The following SIK3 variants were observed in gnomAD, a reference collection of about 807,000 sequenced individuals.
SIK3 encodes the protein SIK family kinase 3.
A neutral mutation model predicts 144.2 loss-of-function variants in SIK3; 28 were observed. The ratio of observed to expected loss-of-function variants is 0.19; its 90% CI spans 0.14 to 0.27. SIK3 has a LOEUF of 0.27. Ranked by LOEUF, SIK3 falls within the 10% of genes least tolerant of loss-of-function variation. The pLI, the probability that SIK3 is intolerant of heterozygous loss-of-function variation, is 1.00. For missense variants in SIK3, 1,319 were observed against 1,776.0 expected (o/e 0.74, Z 4.62); for synonymous variants, 686 against 676.3 (o/e 1.01, Z -0.22).
chr11:116,938,121 C>T (rs1195287665), intron 3 of SIK3, among the ~76,000 whole-genome samples: 4 of 143,058 alleles, frequency 2.8e-5, no homozygotes, highest in Non-Finnish European at 6.0e-5. Context: ...AGGAGAATCA[C>T]TTGAACCTGG....
chr11:116,972,696 C>T (rs1259342466), intron 1 of SIK3, among the ~76,000 whole-genome samples: 1 of 151,984 alleles, frequency 6.6e-6, no homozygotes, highest in Non-Finnish European at 1.5e-5. Flanking sequence ...AATATATACA[C>T]CTACTATGTA....
intron 1 of SIK3, among the ~76,000 whole-genome samples, chr11:117,097,613 G>A (rs1021164626): frequency 2.6e-5 from 4 of 151,952 alleles, no homozygotes; most frequent in African/African-American, 9.7e-5. Flanking sequence ...CTGTCTTAAG[G>A]CACCAGGATC....
intron 4 of SIK3, among the ~76,000 whole-genome samples, chr11:116,900,017 G>T (rs1005282448): frequency 6.6e-6 from 1 of 151,986 alleles, no homozygotes; most frequent in African/African-American, 2.4e-5. Context: ...TTTTCTCAGG[G>T]CTAACTCTTT....
chr11:117,005,859 C>G (rs1051196079), intron 1 of SIK3, among the ~76,000 whole-genome samples: 2 of 152,046 alleles, frequency 1.3e-5, no homozygotes, highest in Non-Finnish European at 2.9e-5. Flanking sequence ...CAAAGGAAGA[C>G]GAAGGCTGAT....
At chr11:116,852,933 G>C (rs1172642762) in intron 21 of SIK3, among the ~76,000 whole-genome samples, 1 of 152,186 alleles carries the variant, frequency 6.6e-6, no homozygotes, top group Non-Finnish European at 1.5e-5. Flanking sequence ...GTAGGTCAAA[G>C]ACCTGGAAGG....
chr11:117,097,047 A>C lies in SIK3; in HGVS notation c.273+1096T>G, dbSNP rs144608596. On this transcript the variant is annotated intron_variant, in intron 1 of 24. Transcript: ENST00000445177. ...ATTGAGCAAAGAAAATTTTAGAGTA[A>C]AAATGGGCTTTGCGGGTTCCACCAA... Among the ~76,000 whole-genome samples the C allele has an allele frequency of 3.8e-3, 583 of 152,312 alleles. 5 individuals carry two copies. The highest frequency in any genetic ancestry group is 0.013 in the African/African-American group (559 of 41,566).
At chr11:116,959,160 T>C (rs1949250748) in intron 1 of SIK3, among the ~76,000 whole-genome samples, 1 of 152,022 alleles carries the variant, frequency 6.6e-6, no homozygotes. Flanking sequence ...TGAAACCCCA[T>C]CTCTACTAAA....
chr11:117,026,279 T>A lies in SIK3; in HGVS notation c.274-69215A>T, dbSNP rs368415208. Among the ~76,000 whole-genome samples, 3 of 152,286 alleles carry A rather than the reference T, an allele frequency of 2.0e-5. 1 individual carries two copies. In the South Asian group the frequency reaches 6.2e-4, roughly 32 times the overall value. Reference sequence around the variant, plus strand: ...CCTAGGAGCAACAGACCATACCACATAGCCCTAGGTGGGTAGTAGGCTATA... The same window carrying A: ...CCTAGGAGCAACAGACCATACCACAAAGCCCTAGGTGGGTAGTAGGCTATA... On this transcript the variant is annotated intron_variant, in intron 1 of 24. Coordinates refer to ENST00000445177, the MANE Select transcript of SIK3 (RefSeq NM_001366686.3).
At chr11:116,976,768 T>G (rs1949961650) in intron 1 of SIK3, among the ~76,000 whole-genome samples, 1 of 152,228 alleles carries the variant, frequency 6.6e-6, no homozygotes, top group African/African-American at 2.4e-5. Flanking sequence ...GATTTCTGAT[T>G]GTGGTTTAGG....
intron 1 of SIK3, among the ~76,000 whole-genome samples, chr11:117,092,007 T>C (rs1162829781): frequency 6.6e-6 from 1 of 152,126 alleles, no homozygotes; most frequent in Non-Finnish European, 1.5e-5. Flanking sequence ...GGTCTTGAAC[T>C]CCTGGCCTCA....
At chr11:117,094,075 C>T (rs1345294541) in intron 1 of SIK3, among the ~76,000 whole-genome samples, 1 of 152,062 alleles carries the variant, frequency 6.6e-6, no homozygotes, top group Non-Finnish European at 1.5e-5. Context: ...GAGGTAAGTA[C>T]TACTGTCATC....
chr11:116,943,605 T>A (rs1395264673), intron 3 of SIK3, among the ~76,000 whole-genome samples: 1 of 152,194 alleles, frequency 6.6e-6, no homozygotes, highest in African/African-American at 2.4e-5. Flanking sequence ...GTTTGTAGTC[T>A]ATTGCGCCCT....
chr11:117,078,432 T>TTTC (rs1249007130), intron 1 of SIK3, among the ~76,000 whole-genome samples: 4 of 151,470 alleles, frequency 2.6e-5, no homozygotes, highest in Middle Eastern at 3.4e-3. Context: ...TTTTTTTTTT[T>TTTC]TTGAGACGGA....
chr11:116,970,621 A>AT (rs1949734111), intron 1 of SIK3, among the ~76,000 whole-genome samples: 1 of 151,562 alleles, frequency 6.6e-6, no homozygotes, highest in Non-Finnish European at 1.5e-5. Context: ...AAGTGCTAGG[A>AT]TAACAGGCAT....
chr11:116,940,835 T>C (rs920061771), intron 3 of SIK3, among the ~76,000 whole-genome samples: 1 of 150,866 alleles, frequency 6.6e-6, no homozygotes, highest in African/African-American at 2.4e-5. Flanking sequence ...TAGTCATATC[T>C]GATATTAAGA....
At chr11:116,855,693 C>T (rs929819228) in intron 21 of SIK3, 1 of 152,238 alleles carries the variant, frequency 6.6e-6, no homozygotes, top group Non-Finnish European at 1.5e-5. Context: ...GGGACTTGCT[C>T]GGTGAGCATC....
At chr11:117,013,967 C>CTTTT (rs1951406146) in intron 1 of SIK3, among the ~76,000 whole-genome samples, 9 of 7,372 alleles carry the variant, frequency 1.2e-3, no homozygotes, top group African/African-American at 2.5e-3. Context: ...TTCTTTTTTT[C>CTTTT]TTTTCTTTTT....
chr11:116,979,083 C>G (rs1950052142), intron 1 of SIK3, among the ~76,000 whole-genome samples: 1 of 152,120 alleles, frequency 6.6e-6, no homozygotes, highest in Non-Finnish European at 1.5e-5. Flanking sequence ...CTAGGTAAAG[C>G]CAAATTGTTT....
chr11:116,940,730 C>T (rs1453661337), intron 3 of SIK3, among the ~76,000 whole-genome samples: 1 of 151,288 alleles, frequency 6.6e-6, no homozygotes, highest in African/African-American at 2.4e-5. Context: ...GACCCACCCC[C>T]GCCAGCTCCC....
Sources: gnomAD v4.1 joint callset for allele counts (sites outside exome capture counted in the v4.1 genomes callset) on GRCh38, gnomAD v4.1.1 for gene constraint, MANE v1.5 for transcripts, NCBI Gene and HGNC (gene_info 2026-07-23, HGNC 2026-07-21) for gene names.